GRID2: variants seen among roughly 807,000 people sequenced by gnomAD.
GRID2 encodes the protein glutamate receptor ionotropic, delta-2.
GRID2 carries 33 observed loss-of-function variants against 114.8 expected under a neutral mutation model. That is an observed-to-expected ratio of 0.29 (90% CI 0.22 to 0.38). GRID2 has a LOEUF of 0.38. GRID2 is among the 10% of genes least tolerant of loss of function. GRID2 has a pLI of 1.00. For missense variants in GRID2, 1,184 were observed against 1,257.7 expected, an observed-to-expected ratio of 0.94 and a Z score of 0.89; for synonymous variants, 505 against 449.9, an observed-to-expected ratio of 1.12 and a Z score of -1.55.
intron 7 of GRID2, among the ~76,000 whole-genome samples, chr4:93,226,544 G>A (rs553846647): frequency 1.3e-5 from 2 of 152,282 alleles, no homozygotes; most frequent in South Asian, 2.1e-4. Context: ...GGGCCCGCAA[G>A]GCCTCAGGCA....
intron 2 of GRID2, among the ~76,000 whole-genome samples, chr4:92,857,389 G>A (rs1744247853): frequency 6.6e-6 from 1 of 152,150 alleles, no homozygotes; most frequent in African/African-American, 2.4e-5. Context: ...TGTTCTTAAA[G>A]GAAATGAAAA....
At chr4:92,672,221 T>C (rs547887672) in intron 2 of GRID2, among the ~76,000 whole-genome samples, 7 of 152,228 alleles carry the variant, frequency 4.6e-5, no homozygotes, top group African/African-American at 1.4e-4. Context: ...GTTTCACCTA[T>C]ATCCTTATTC....
At chr4:93,195,659 A>G (rs1741413572) in intron 4 of GRID2, among the ~76,000 whole-genome samples, 1 of 152,168 alleles carries the variant, frequency 6.6e-6, no homozygotes, top group African/African-American at 2.4e-5. Flanking sequence ...CTGACTATAT[A>G]CAGAAAAAGA....
intron 3 of GRID2, among the ~76,000 whole-genome samples, chr4:93,090,139 A>C (rs1203673069): frequency 6.6e-6 from 1 of 152,146 alleles, no homozygotes; most frequent in Non-Finnish European, 1.5e-5. Context: ...CCTCTAGTTA[A>C]TCTGAATGGT....
intron 8 of GRID2, chr4:93,258,980 A>G (rs1749938629): frequency 6.8e-6 from 3 of 441,362 alleles, no homozygotes; most frequent in South Asian, 4.9e-5. Flanking sequence ...TGCTGACTAG[A>G]GTACCACTGA....
intron 14 of GRID2, among the ~76,000 whole-genome samples, chr4:93,631,521 T>C (rs925587923): frequency 2.0e-5 from 3 of 152,202 alleles, no homozygotes; most frequent in Non-Finnish European, 4.4e-5. Context: ...CACCTTCATC[T>C]ATGTCCCTAC....
chr4:92,883,302 G>T (rs2149460293), intron 2 of GRID2, among the ~76,000 whole-genome samples: 1 of 152,116 alleles, frequency 6.6e-6, no homozygotes, highest in African/African-American at 2.4e-5. Flanking sequence ...ACATCTTCAG[G>T]CTCTGCTTCT....
intron 13 of GRID2, among the ~76,000 whole-genome samples, chr4:93,528,166 A>G (rs1731103439): frequency 6.6e-6 from 1 of 151,618 alleles, no homozygotes; most frequent in South Asian, 2.1e-4. Flanking sequence ...ATATATATGT[A>G]TATACATATA....
intron 8 of GRID2, among the ~76,000 whole-genome samples, chr4:93,306,802 T>C (rs1399051607): frequency 2.0e-5 from 3 of 152,192 alleles, no homozygotes; most frequent in African/African-American, 7.2e-5. Context: ...CTTTCTTGCA[T>C]TCTTTTGTGA....
In GRID2 at chr4:93,455,688, A is replaced by G. The variant is rs918294391; in HGVS notation, c.1572A>G (p.Leu524=). Residue 524 remains leucine (L), a synonymous_variant, in exon 11 of 16, where the codon TTA becomes TTG. Coordinates refer to ENST00000282020, the MANE Select transcript of GRID2 (RefSeq NM_001510.4). ...FKRADIGISA[L]TITPDRENVV... is the part of the protein sequence containing the mutation. ...GAGCCGACATAGGGATTTCTGCTTT[A>G]ACCATCACTCCAGATCGTGAAAATG... 1.9e-6 allele frequency: 3 copies of G among 1,612,084 alleles called. No homozygotes were observed. The South Asian group carries it at 3.3e-5, about 18-fold the overall frequency.
intron 13 of GRID2, among the ~76,000 whole-genome samples, chr4:93,523,982 G>C (rs1337281183): frequency 6.6e-6 from 1 of 151,862 alleles, no homozygotes; most frequent in African/African-American, 2.4e-5. Context: ...CTTCCTCCTA[G>C]AGCTATAAGC....
At chr4:93,622,041 T>C (rs1248089450) in intron 13 of GRID2, among the ~76,000 whole-genome samples, 1 of 152,132 alleles carries the variant, frequency 6.6e-6, no homozygotes, top group Non-Finnish European at 1.5e-5. Flanking sequence ...TGCCAGGGGA[T>C]CCAGGAGGCC....
At chr4:93,284,483 G>A (rs1209483608) in intron 8 of GRID2, among the ~76,000 whole-genome samples, 6 of 151,546 alleles carry the variant, frequency 4.0e-5, no homozygotes, top group African/African-American at 1.5e-4. Flanking sequence ...TAACAAACCT[G>A]CACATGTACC....
At chr4:92,517,599 T>G (rs1189984536) in intron 1 of GRID2, among the ~76,000 whole-genome samples, 1 of 151,922 alleles carries the variant, frequency 6.6e-6, no homozygotes, top group Non-Finnish European at 1.5e-5. Context: ...CAGTCATAAA[T>G]AGTTGAACCA....
At chr4:92,761,673 C>T (rs1298739239) in intron 2 of GRID2, among the ~76,000 whole-genome samples, 1 of 152,064 alleles carries the variant, frequency 6.6e-6, no homozygotes, top group Non-Finnish European at 1.5e-5. Context: ...ATGACAACTG[C>T]AGGGCTCACA....
intron 2 of GRID2, among the ~76,000 whole-genome samples, chr4:92,791,624 A>T (rs1348087484): frequency 6.6e-6 from 1 of 151,916 alleles, no homozygotes; most frequent in African/African-American, 2.4e-5. Context: ...TATGAATGAA[A>T]ATATAATAAG....
At chr4:92,912,933 A>G (rs1209466571) in intron 2 of GRID2, among the ~76,000 whole-genome samples, 2 of 151,866 alleles carry the variant, frequency 1.3e-5, no homozygotes, top group African/African-American at 2.4e-5. Flanking sequence ...CATGACACCA[A>G]TTTGGAACCT....
chr4:92,491,223 CTT>C (rs1225177636), intron 1 of GRID2, among the ~76,000 whole-genome samples: 5 of 151,982 alleles, frequency 3.3e-5, no homozygotes, highest in African/African-American at 7.2e-5. Context: ...TGGAAGGAGA[CTT>C]TTTGAATGAA....
Position 92,587,513 on chromosome 4 carries a change from A to G in GRID2, c.89-2618A>G, listed in dbSNP as rs146951850. Among the ~76,000 whole-genome samples, 4 of 152,258 alleles carry G rather than the reference A, an allele frequency of 2.6e-5. No homozygotes were observed. The East Asian group carries it at 7.7e-4, about 29-fold the overall frequency. ...GCTTGTGTTGAAGACAAAATACTGC[A>G]TGCACTCCTGTAGTACAAAGTCAGT... On this transcript the variant is annotated intron_variant, in intron 1 of 15. Coordinates refer to ENST00000282020, the MANE Select transcript of GRID2 (RefSeq NM_001510.4).
Sources: gnomAD v4.1 joint callset for allele counts (sites outside exome capture counted in the v4.1 genomes callset) on GRCh38, gnomAD v4.1.1 for gene constraint, MANE v1.5 for transcripts, NCBI Gene and HGNC (gene_info 2026-07-23, HGNC 2026-07-21) for gene names.